IFITM10: variants seen among roughly 807,000 people sequenced by gnomAD.
The protein encoded by IFITM10 is interferon induced transmembrane protein 10, also known as interferon-induced transmembrane protein 10.
Under a neutral mutation model 19.0 loss-of-function variants are expected in IFITM10, and 17 were observed. The observed-to-expected ratio is 0.90, with a 90% CI of 0.61 to 1.34. The LOEUF (loss-of-function observed/expected upper bound fraction) is 1.34. Among genes scored for constraint, IFITM10 ranks in the 40% most tolerant of loss-of-function variants. The probability of loss-of-function intolerance (pLI) is 0.00; values close to 1 mark genes in which losing one functional copy is unlikely to be tolerated. For missense variants in IFITM10, 306 were observed against 319.8 expected, an observed-to-expected ratio of 0.96 and a Z score of 0.33; for synonymous variants, 148 against 147.2, an observed-to-expected ratio of 1.01 and a Z score of -0.04.
chr11:1,739,912 G>A (rs1204544773), intron 2 of IFITM10, among the ~76,000 whole-genome samples: 1 of 152,174 alleles, frequency 6.6e-6, no homozygotes, highest in African/African-American at 2.4e-5. Flanking sequence ...CAGGAGCACG[G>A]TGCAGGCTCT....
intron 2 of IFITM10, among the ~76,000 whole-genome samples, chr11:1,738,225 C>T (rs886309926): frequency 1.3e-5 from 2 of 152,088 alleles, no homozygotes; most frequent in South Asian, 2.1e-4. Context: ...TTTATGAATA[C>T]AATGCTTCTT....
chr11:1,750,321 A>G, intron 1 of IFITM10, 38 bp downstream of exon 1: 1 of 1,549,362 alleles, frequency 6.5e-7, no homozygotes, highest in South Asian at 1.2e-5. Context: ...CCCCCACTTC[A>G]CCACGCAGGT....
chr11:1,750,237 T>C, intron 1 of IFITM10, 122 bp downstream of exon 1: 1 of 1,513,588 alleles, frequency 6.6e-7, no homozygotes, highest in Admixed American at 2.0e-5. Context: ...CCAGCTGATC[T>C]TCCATCCCCA....
chr11:1,750,566 C>T lies in IFITM10; in HGVS notation c.-124G>A. On this transcript the variant is annotated 5_prime_UTR_variant, in exon 1 of 3. Coordinates refer to ENST00000340134, the MANE Select transcript of IFITM10 (RefSeq NM_001170820.4). ...CAGTCCTGCTTGGGGTCCTGTCTGC[C>T]TGCCTGTGCCTGACTCTGAACCCTT... 1.6e-6 allele frequency: 2 copies of T among 1,252,324 alleles called. No homozygotes were observed. Among genetic ancestry groups the T allele is most frequent in the Non-Finnish European group, 2.2e-6 (2 of 899,714 alleles). 77.6% of individuals were successfully genotyped at this position (1,252,324 alleles called of 1,614,324 possible).
Position 1,747,782 on chromosome 11 carries a change from A to G in IFITM10, c.422T>C (p.Ile141Thr). The G allele has an allele frequency of 6.4e-7, 1 of 1,551,606 alleles. No homozygotes were observed. The change falls in exon 2 of 3, where the codon ATC (isoleucine) becomes ACC (threonine). Residue 141 changes from isoleucine to threonine, a missense_variant. By Grantham distance (89) the Ile-to-Thr change is moderately conservative. Transcript: ENST00000340134. ...KKTMTNPTTV[I>T]EVYPDTTEVN... ...CTCGGTGGTGTCCGGGTAGACCTCG[A>G]TGACGGTCGTGGGGTTGGTCATCGT...
At position 1,750,382 on chromosome 11, in the gene IFITM10, C is replaced by T; in HGVS notation, c.61G>A (p.Val21Ile). Residue 21 changes from valine (V) to isoleucine (I), a missense_variant, in exon 1 of 3, where the codon GTC becomes ATC. Transcript: ENST00000340134. The stretch of plus-strand genomic sequence containing the variant: ...ACCTCCAGCTCCCACTGAGCCTCGA[C>T]CCTCTCCAAAGTCCCCCGGAAGCTG... Reference protein sequence around the residue: ...ILSFRGTLERVEAQWELEAQG... With the variant: ...ILSFRGTLERIEAQWELEAQG... 1.3e-6 allele frequency: 2 copies of T among 1,550,542 alleles called. No individual in the cohort carries two copies. Among genetic ancestry groups the T allele is most frequent in the Non-Finnish European group, 1.7e-6 (2 of 1,146,968 alleles).
intron 1 of IFITM10, among the ~76,000 whole-genome samples, chr11:1,749,949 G>C (rs145227041): frequency 6.6e-6 from 1 of 152,208 alleles, no homozygotes; most frequent in Non-Finnish European, 1.5e-5. Context: ...CTCCTGCGCA[G>C]ACCCCAGGTC....
intron 2 of IFITM10, among the ~76,000 whole-genome samples, chr11:1,742,149 T>C (rs1272392354): frequency 6.6e-6 from 1 of 151,870 alleles, no homozygotes; most frequent in Admixed American, 6.6e-5. Flanking sequence ...GAAGGAAAGA[T>C]GGGATGGATG....
Position 1,732,483 on chromosome 11 carries a change from G to A in IFITM10, c.*2797C>T, listed in dbSNP as rs1236910089. ...CTGTGCAAAATCACATAAAAATGAG[G>A]TGGGAGGAGTGCAGTGGACAGGGAG... is the stretch of plus-strand genomic sequence containing the variant. On this transcript the variant is annotated 3_prime_UTR_variant, in exon 3 of 3. Coordinates refer to ENST00000340134, the MANE Select transcript of IFITM10 (RefSeq NM_001170820.4). 6.6e-6 allele frequency: 1 copy of A among 152,406 alleles called. No individual in the cohort carries two copies. The highest frequency in any genetic ancestry group is 2.4e-5 in the African/African-American group (1 of 41,450). 9.4% of individuals were successfully genotyped at this position (152,406 alleles called of 1,614,324 possible). A position where few individuals can be genotyped will look rare whatever the true frequency, so the allele number is the denominator to read the frequency against.
At chr11:1,748,350 C>A (rs1845676997) in intron 1 of IFITM10, 2 of 410,910 alleles carry the variant, frequency 4.9e-6, no homozygotes, top group Non-Finnish European at 8.5e-6. Context: ...ATCACTTCGC[C>A]ATCTGCGCAT....
intron 1 of IFITM10, chr11:1,748,362 A>C (rs1741980952): frequency 4.9e-6 from 2 of 405,712 alleles, no homozygotes; most frequent in South Asian, 1.1e-4. Flanking sequence ...TCTGCGCATA[A>C]ACACTCACCC....
Position 1,734,991 on chromosome 11 carries a change from G to A in IFITM10, c.*289C>T, listed in dbSNP as rs1851068610. The A allele has an allele frequency of 2.3e-6, 1 of 441,996 alleles. No individual in the cohort carries two copies. Among genetic ancestry groups the A allele is most frequent in the Non-Finnish European group, 4.0e-6 (1 of 247,440 alleles). 27.4% of individuals were successfully genotyped at this position (441,996 alleles called of 1,614,324 possible). On this transcript the variant is annotated 3_prime_UTR_variant, in exon 3 of 3. Transcript: ENST00000340134. ...CCTGGGAAGGGGCACGTGAGGGCAGGGACACAGACGCTGGAAGCCAGGGTG... is the reference window on the plus strand; with the variant it reads ...CCTGGGAAGGGGCACGTGAGGGCAGAGACACAGACGCTGGAAGCCAGGGTG...
Position 1,747,937 on chromosome 11 carries a change from A to G in IFITM10, c.267T>C (p.Pro89=). 6.8e-7 allele frequency: 1 copy of G among 1,477,256 alleles called. No individual in the cohort carries two copies. Among genetic ancestry groups the G allele is most frequent in the Non-Finnish European group, 9.0e-7 (1 of 1,111,328 alleles). The allele number at this position is 1,477,256 out of a possible 1,614,324, so 91.5% of individuals were successfully genotyped here. ...GGGGAGAGGCCGAGGGCTCAGGGGC[A>G]GGGGCCGCCGGAGCCTGCAGGGCAG... The part of the protein sequence containing the change: ...KPPALQAPAA[P]APEPSASPPM... The change falls in exon 2 of 3, where the codon CCT becomes CCC. Residue 89 remains proline (P), a synonymous_variant. Transcript: ENST00000340134.
At chr11:1,739,966 T>TA (rs1417000116) in intron 2 of IFITM10, among the ~76,000 whole-genome samples, 1 of 152,036 alleles carries the variant, frequency 6.6e-6, no homozygotes, top group Non-Finnish European at 1.5e-5. Flanking sequence ...ATGAACGTGA[T>TA]ATGACATATG....
chr11:1,748,002 C>T lies in IFITM10; in HGVS notation c.202G>A (p.Gly68Ser), dbSNP rs556787343. 2.2e-4 allele frequency: 315 copies of T among 1,439,322 alleles called. 1 individual carries two copies. In the East Asian group the frequency reaches 8.1e-3, roughly 37 times the overall value. 89.2% of individuals were successfully genotyped at this position (1,439,322 alleles called of 1,614,324 possible). Residue 68 changes from glycine (G) to serine (S), a missense_variant, in exon 2 of 3, where the codon GGT (glycine) becomes AGT (serine). Physicochemically the swap from Gly to Ser is moderately conservative, Grantham distance 56. Transcript: ENST00000340134. Reference sequence around the variant, plus strand: ...CAAGCGAAGCAGCCCTTGGGCGAACCTGCCGGGGGCCTCGGAATCCAGAAG... The same window carrying T: ...CAAGCGAAGCAGCCCTTGGGCGAACTTGCCGGGGGCCTCGGAATCCAGAAG... ...GAFWIPRPPA[G>S]SPKGCFACVS... is the part of the protein sequence containing the mutation.
At chr11:1,735,628 G>A (rs1035499108) in intron 2 of IFITM10, among the ~76,000 whole-genome samples, 199 bp from the exon 3 acceptor site, 4 of 152,164 alleles carry the variant, frequency 2.6e-5, no homozygotes, top group Admixed American at 1.3e-4. Context: ...CTTGGGGCAC[G>A]GGGGCGTCAT....
Position 1,733,324 on chromosome 11 carries a change from C to G in IFITM10, c.*1956G>C, listed in dbSNP as rs1851048304. Reference sequence around the variant, plus strand: ...TTCAAGGGTCAGTGCTCAAGAGTCCCACATGGTCCCCACCCTGTCCCCTCT... The same window carrying G: ...TTCAAGGGTCAGTGCTCAAGAGTCCGACATGGTCCCCACCCTGTCCCCTCT... On this transcript the variant is annotated 3_prime_UTR_variant, in exon 3 of 3. Transcript: ENST00000340134. This position sits in a 1 kb window ranked among gnomAD's most constrained non-coding sequence, Gnocchi z 6.3. 1 of 152,598 alleles carries G rather than the reference C, an allele frequency of 6.6e-6. No homozygotes were observed. Among genetic ancestry groups the G allele is most frequent in the Admixed American group, 6.5e-5 (1 of 15,278 alleles). The allele number at this position is 152,598 out of a possible 1,614,324, so 9.5% of individuals were successfully genotyped here.
rs972603449 is a variant in IFITM10 at position 1,746,610 on chromosome 11, C to T, written c.537+1057G>A. 21 of 398,626 alleles carry T rather than the reference C, an allele frequency of 5.3e-5. No homozygotes were observed. In the East Asian group the frequency reaches 5.7e-4, roughly 11 times the overall value. 24.7% of individuals were successfully genotyped at this position (398,626 alleles called of 1,614,324 possible). ...TCAGGAGCAGGAGGGGAACGCCGAC[C>T]GCAGTTGCGATGCCGGGCGGGGTGG... On this transcript the variant is annotated intron_variant, in intron 2 of 2. Coordinates refer to ENST00000340134, the MANE Select transcript of IFITM10 (RefSeq NM_001170820.4).
Position 1,747,365 on chromosome 11 carries a change from C to T in IFITM10, c.537+302G>A, listed in dbSNP as rs555808112. ...GCCTGAGCAACCCCGCCCCCCTCAA[C>T]CCCCGCTCCCAGCCCCTCCTGCAGG... On this transcript the variant is annotated intron_variant, in intron 2 of 2. Coordinates refer to ENST00000340134, the MANE Select transcript of IFITM10 (RefSeq NM_001170820.4). Among the ~76,000 whole-genome samples the T allele has an allele frequency of 1.3e-3, 193 of 146,368 alleles. 1 individual carries two copies. Among genetic ancestry groups the T allele is most frequent in the Non-Finnish European group, 2.1e-3 (137 of 66,376 alleles).
Sources: gnomAD v4.1 joint callset for allele counts (sites outside exome capture counted in the v4.1 genomes callset) on GRCh38, gnomAD v4.1.1 for gene constraint, Gnocchi (gnomAD v3.1) non-coding constraint, MANE v1.5 for transcripts, NCBI Gene and HGNC (gene_info 2026-07-23, HGNC 2026-07-21) for gene names.